The following MYT1 variants were observed in gnomAD, a reference collection of about 807,000 sequenced individuals.
MYT1 encodes myelin transcription factor I.
MYT1 carries 23 observed loss-of-function variants against 123.0 expected under a neutral mutation model. The ratio of observed to expected loss-of-function variants is 0.19; its 90% CI spans 0.13 to 0.26. MYT1 has a LOEUF of 0.26. Among genes scored for constraint, MYT1 ranks in the 10% least tolerant of loss-of-function variants. The pLI is 1.00. For missense variants in MYT1, 1,125 were observed against 1,472.5 expected, an observed-to-expected ratio of 0.76 and a Z score of 3.86; for synonymous variants, 518 against 575.3, an observed-to-expected ratio of 0.90 and a Z score of 1.43.
At chr20:64,214,927 G>A (rs1030916094) in intron 10 of MYT1, among the ~76,000 whole-genome samples, 4 of 152,156 alleles carry the variant, frequency 2.6e-5, no homozygotes, top group Non-Finnish European at 4.4e-5. Flanking sequence ...GCTCCAGAGT[G>A]TTCCTCTGAA....
chr20:64,229,957 C>T (rs149076938), intron 18 of MYT1, among the ~76,000 whole-genome samples: 217 of 152,280 alleles, frequency 1.4e-3, no homozygotes, highest in African/African-American at 5.0e-3. Context: ...CTGGCACACA[C>T]GGCTTCTGCC....
At chr20:64,236,712 C>G in intron 20 of MYT1, 66 bp downstream of exon 20, 1 of 1,389,868 alleles carries the variant, frequency 7.2e-7, no homozygotes, top group East Asian at 2.3e-5. Flanking sequence ...AGCTGTGCAC[C>G]TTTTGTGCTG....
intron 4 of MYT1, 107 bp from the exon 5 acceptor site, chr20:64,204,928 A>T: frequency 9.1e-7 from 1 of 1,098,162 alleles, no homozygotes; most frequent in South Asian, 1.4e-5. Flanking sequence ...AGCCATTCTG[A>T]GGTGAATCGT....
At chr20:64,187,014 G>A (rs950374803) in intron 1 of MYT1, among the ~76,000 whole-genome samples, 9 of 143,644 alleles carry the variant, frequency 6.3e-5, no homozygotes, top group Admixed American at 1.4e-4. Flanking sequence ...CCACGTTTCC[G>A]TGGAGAGATT....
chr20:64,207,605 G>C lies in MYT1; in HGVS notation c.409G>C (p.Val137Leu). The C allele has an allele frequency of 6.2e-7, 1 of 1,612,942 alleles. No homozygotes were observed. Among genetic ancestry groups the C allele is most frequent in the South Asian group, 1.1e-5 (1 of 91,016 alleles). Residue 137 changes from valine to leucine, a missense_variant, in exon 7 of 23, where the codon GTC (valine) becomes CTC (leucine). By Grantham distance (32) the Val-to-Leu change is conservative. This residue lies in a region of MYT1 where 406 missense variants were observed against 432.2 expected (regional missense o/e 0.94). Coordinates refer to ENST00000328439, the MANE Select transcript of MYT1 (RefSeq NM_004535.3). ...TTGATTTTGTGCAGGAAGGAGCCCC[G>C]TCAAGTCCCATTTTGGATCCAACCC... Reference protein sequence around the residue: ...RPETAEGRSPVKSHFGSNPIG... With the variant: ...RPETAEGRSPLKSHFGSNPIG...
chr20:64,215,011 C>T (rs1983794872), intron 10 of MYT1, among the ~76,000 whole-genome samples: 1 of 152,222 alleles, frequency 6.6e-6, no homozygotes, highest in African/African-American at 2.4e-5. Flanking sequence ...GCATGCTTGC[C>T]ATCCCACACA....
chr20:64,232,705 G>C lies in MYT1; in HGVS notation c.2897+320G>C, dbSNP rs1002965018. Among the ~76,000 whole-genome samples, 1 of 149,624 alleles carries C rather than the reference G, an allele frequency of 6.7e-6. No homozygotes were observed. Among genetic ancestry groups the C allele is most frequent in the Non-Finnish European group, 1.5e-5 (1 of 67,984 alleles). ...GCAGAGCCCTGGGTCTGACACTTAC[G>C]TTCTCTTAACAGGCTGACAACTTCT... On this transcript the variant is annotated intron_variant, in intron 19 of 22. Coordinates refer to ENST00000328439, the MANE Select transcript of MYT1 (RefSeq NM_004535.3). This position sits in a 1 kb window ranked among gnomAD's most constrained non-coding sequence, Gnocchi z 6.9.
At chr20:64,180,097 TACATGCTACAC>T (rs1982603453) in intron 1 of MYT1, among the ~76,000 whole-genome samples, 1 of 149,494 alleles carries the variant, frequency 6.7e-6, no homozygotes, top group East Asian at 2.0e-4. Flanking sequence ...TACACACAGG[TACATGCTACAC>T]ACACGCTACA....
Position 64,205,574 on chromosome 20 carries a change from C to T in MYT1, c.171C>T (p.Ala57=), listed in dbSNP as rs951788791. ...RHRSLQSCPL[A]KKRKLEGAEA... is the part of the protein sequence containing the mutation. ...CCAGTTTACAGAGCTGCCCCCTGGCCAAGAAGAGGAAGCTGGAGGGCGCTG... is the reference window on the plus strand; with the variant it reads ...CCAGTTTACAGAGCTGCCCCCTGGCTAAGAAGAGGAAGCTGGAGGGCGCTG... Residue 57 remains alanine, a synonymous_variant, in exon 6 of 23, where the codon GCC becomes GCT. Transcript: ENST00000328439. 6.2e-7 allele frequency: 1 copy of T among 1,614,070 alleles called. No individual in the cohort carries two copies. Among genetic ancestry groups the T allele is most frequent in the East Asian group, 2.2e-5 (1 of 44,868 alleles).
rs201066709 is a variant in MYT1 at position 64,236,645 on chromosome 20, C to T, written c.2988C>T (p.Asp996=). 4.3e-5 allele frequency: 70 copies of T among 1,612,878 alleles called. No individual in the cohort carries two copies. Among genetic ancestry groups the T allele is most frequent in the African/African-American group, 8.0e-5 (6 of 74,868 alleles). The stretch of plus-strand genomic sequence containing the variant: ...TCAGTCCAAAGTTCAAGACTAGCGA[C>T]GGTAAGGATGGCTTCCTGGATTTCC... The part of the protein sequence containing the change: ...EVLSPKFKTS[D]VLENDEEIKQ... Residue 996 remains aspartate, a splice_region_variant and synonymous_variant, in exon 20 of 23, where the codon GAC becomes GAT. Transcript: ENST00000328439.
intron 4 of MYT1, among the ~76,000 whole-genome samples, chr20:64,201,479 A>T (rs1224074865): frequency 6.7e-6 from 1 of 149,392 alleles, no homozygotes; most frequent in Non-Finnish European, 1.5e-5. Context: ...ATGCAATGTG[A>T]TGCTTAGAGT....
intron 7 of MYT1, among the ~76,000 whole-genome samples, chr20:64,209,416 C>G (rs1408940350): frequency 6.6e-6 from 1 of 152,202 alleles, no homozygotes; most frequent in Non-Finnish European, 1.5e-5. Flanking sequence ...CCTCCTGCAC[C>G]TGGGCACTTG....
intron 16 of MYT1, among the ~76,000 whole-genome samples, chr20:64,226,656 C>T (rs1984177075): frequency 6.6e-6 from 1 of 152,226 alleles, no homozygotes; most frequent in African/African-American, 2.4e-5. Context: ...CATATTTTTT[C>T]CTCAGTGGAC....
Position 64,205,579 on chromosome 20 carries a change from A to G in MYT1, c.176A>G (p.Lys59Arg), listed in dbSNP as rs753114598. The change falls in exon 6 of 23, where the codon AAG (lysine) becomes AGG (arginine). Residue 59 changes from lysine to arginine, a missense_variant. Transcript: ENST00000328439. ...TTACAGAGCTGCCCCCTGGCCAAGA[A>G]GAGGAAGCTGGAGGGCGCTGAGGCT... is the stretch of plus-strand genomic sequence containing the variant. ...RSLQSCPLAK[K>R]RKLEGAEAEH... 6.2e-7 allele frequency: 1 copy of G among 1,614,082 alleles called. No homozygotes were observed. Among genetic ancestry groups the G allele is most frequent in the Non-Finnish European group, 8.5e-7 (1 of 1,180,024 alleles).
At chr20:64,173,770 C>T (rs1305829003) in intron 1 of MYT1, among the ~76,000 whole-genome samples, 6 of 41,746 alleles carry the variant, frequency 1.4e-4, no homozygotes, top group African/African-American at 5.6e-4. Flanking sequence ...GTGTCCATTT[C>T]CCCTCCCTGG....
At chr20:64,180,107 A>C (rs1427250389) in intron 1 of MYT1, among the ~76,000 whole-genome samples, 3 of 151,502 alleles carry the variant, frequency 2.0e-5, no homozygotes, top group Non-Finnish European at 4.4e-5. Flanking sequence ...TACATGCTAC[A>C]CACACGCTAC....
rs1028272549 is a variant in MYT1, at chr20:64,203,812, A to C, written c.87-1223A>C. 1.3e-5 allele frequency among the ~76,000 whole-genome samples: 2 copies of C among 152,232 alleles called. No homozygotes were observed. Among genetic ancestry groups the C allele is most frequent in the African/African-American group, 4.8e-5 (2 of 41,460 alleles). ...ATTAGAAACGATCAGAGGTGTCTGG[A>C]TAGAGACTGGGGATGGCGTTCTTTT... On this transcript the variant is annotated intron_variant, in intron 4 of 22. Transcript: ENST00000328439. This position sits in a 1 kb window ranked among gnomAD's most constrained non-coding sequence, Gnocchi z 5.1.
Position 64,230,250 on chromosome 20 carries a change from T to C in MYT1, c.2676-1914T>C, listed in dbSNP as rs973265213. On this transcript the variant is annotated intron_variant, in intron 18 of 22. Coordinates refer to ENST00000328439, the MANE Select transcript of MYT1 (RefSeq NM_004535.3). ...GATTTGGGCCGGGCACTGTGGCTCA[T>C]GCCTGTAATCCCAGCACTTTAGGAG... Among the ~76,000 whole-genome samples, 3 of 152,340 alleles carry C rather than the reference T, an allele frequency of 2.0e-5. No homozygotes were observed. In the South Asian group the frequency reaches 6.2e-4, roughly 32 times the overall value.
intron 3 of MYT1, among the ~76,000 whole-genome samples, chr20:64,199,372 C>T (rs987226099): frequency 3.9e-5 from 6 of 152,214 alleles, no homozygotes; most frequent in Non-Finnish European, 7.3e-5. Flanking sequence ...GACTTACCTC[C>T]CTGATACGGG....
Sources: gnomAD v4.1 joint callset for allele counts (sites outside exome capture counted in the v4.1 genomes callset) on GRCh38, gnomAD v4.1.1 for gene constraint, gnomAD v4.1.1 regional missense constraint, Gnocchi (gnomAD v3.1) non-coding constraint, MANE v1.5 for transcripts, NCBI Gene and HGNC (gene_info 2026-07-23, HGNC 2026-07-21) for gene names.